The following APOB variants were observed in gnomAD, a reference collection of about 807,000 sequenced individuals.
APOB encodes the protein apolipoprotein B, also known as apolipoprotein B-100.
In APOB, 153 loss-of-function variants were observed where a neutral mutation model predicts 314.1. The observed-to-expected ratio is 0.49, with a 90% CI of 0.43 to 0.56. APOB has a LOEUF of 0.56. Ranked by LOEUF, APOB falls within the 20% of genes least tolerant of loss-of-function variation. APOB has a pLI of 0.00. For missense variants in APOB, 5,430 were observed against 5,350.7 expected (o/e 1.01, Z -0.46); for synonymous variants, 2,087 against 2,036.4 (o/e 1.02, Z -0.67).
Position 21,010,931 on chromosome 2 carries a change from G to A in APOB, c.5937C>T (p.Gly1979=), listed in dbSNP as rs1572783892. 6.2e-7 allele frequency: 1 copy of A among 1,614,138 alleles called. No homozygotes were observed. Among genetic ancestry groups the A allele is most frequent in the African/African-American group, 1.3e-5 (1 of 75,040 alleles). ...TAAATTGGGTCTTGAGTTTCCAGGT[G>A]CCTGTCTGCTCAGCTGGAGTAAGCA... is the stretch of plus-strand genomic sequence containing the variant. ...SALLTPAEQT[G]TWKLKTQFNN... is the part of the protein sequence containing the mutation. Residue 1979 remains glycine, a synonymous_variant, in exon 26 of 29, where the codon GGC becomes GGT. Transcript: ENST00000233242.
intron 15 of APOB, 34 bp downstream of exon 15, chr2:21,026,754 G>A (rs112840115): frequency 3.4e-5 from 53 of 1,569,806 alleles, no homozygotes; most frequent in African/African-American, 3.2e-4. Flanking sequence ...GAGACCCAAA[G>A]CTTTCCTTAA....
intron 5 of APOB, 152 bp downstream of exon 5, chr2:21,037,806 C>G: frequency 1.0e-6 from 1 of 953,906 alleles, no homozygotes; most frequent in Non-Finnish European, 1.7e-6. Context: ...CAGGAGGAAC[C>G]TCGGGCACCA....
At position 21,041,003 on chromosome 2, in the gene APOB, G is replaced by C. The variant is rs371662800; in HGVS notation, c.318C>G (p.Asn106Lys). 17 of 1,613,732 alleles carry C rather than the reference G, an allele frequency of 1.1e-5. No homozygotes were observed. The African/African-American group carries it at 2.1e-4, about 20-fold the overall frequency. The change falls in exon 4 of 29, where the codon AAC (asparagine) becomes AAG (lysine). Residue 106 changes from asparagine to lysine, a missense_variant. This residue lies in a region of APOB where 2,085 missense variants were observed against 2,079.7 expected (regional missense o/e 1.00). Transcript: ENST00000233242. Reference sequence around the variant, plus strand: ...TCTTCAGCAAGGCTTTGCCCTCAGGGTTGAAGCCATACACCTCTTTCAGGG... The same window carrying C: ...TCTTCAGCAAGGCTTTGCCCTCAGGCTTGAAGCCATACACCTCTTTCAGGG... Reference protein sequence around the residue: ...QCTLKEVYGFNPEGKALLKKT... With the variant: ...QCTLKEVYGFKPEGKALLKKT...
At position 21,010,223 on chromosome 2, in the gene APOB, G is replaced by A. The variant is rs751879183; in HGVS notation, c.6645C>T (p.His2215=). 1.8e-4 allele frequency: 279 copies of A among 1,575,216 alleles called. No homozygotes were observed. Among genetic ancestry groups the A allele is most frequent in the Non-Finnish European group, 2.4e-4 (273 of 1,160,086 alleles). Residue 2215 remains histidine (H), a synonymous_variant, in exon 26 of 29, where the codon CAC becomes CAT. Transcript: ENST00000233242. ...TTACTAAATTTACACGGATATGATAGTGCTCATCAAGACTTTTTAATTTTT... is the reference window on the plus strand; with the variant it reads ...TTACTAAATTTACACGGATATGATAATGCTCATCAAGACTTTTTAATTTTT... ...IIEKLKSLDE[H]YHIRVNLVKT...
At chr2:21,041,295 C>T (rs1019088923) in intron 3 of APOB, among the ~76,000 whole-genome samples, 3 of 152,340 alleles carry the variant, frequency 2.0e-5, no homozygotes, top group East Asian at 1.9e-4. Context: ...CGTTTTCCCC[C>T]TCCCGGGTAA....
At chr2:21,014,679 C>A in intron 23 of APOB, 86 bp from the exon 24 acceptor site, 1 of 1,392,392 alleles carries the variant, frequency 7.2e-7, no homozygotes, top group Non-Finnish European at 1.0e-6. Flanking sequence ...ACCGATTTGA[C>A]AAGTTAATTA....
chr2:21,004,809 A>G (rs986781536), intron 26 of APOB, 134 bp from the exon 27 acceptor site: 8 of 755,912 alleles, frequency 1.1e-5, no homozygotes, highest in Admixed American at 7.9e-5. Flanking sequence ...TACAGCTCAC[A>G]CTTATTTTAA....
chr2:21,018,410 C>A (rs917487210), intron 20 of APOB, among the ~76,000 whole-genome samples: 3 of 152,164 alleles, frequency 2.0e-5, no homozygotes, highest in African/African-American at 7.2e-5. Context: ...CTCTCCATAT[C>A]TCTCTGTCCT....
In APOB at chr2:21,025,349, T is replaced by C. The variant is rs924498640; in HGVS notation, c.2245-225A>G. 2.0e-5 allele frequency among the ~76,000 whole-genome samples: 3 copies of C among 152,108 alleles called. No individual in the cohort carries two copies. The South Asian group carries it at 6.2e-4, about 32-fold the overall frequency. On this transcript the variant is annotated intron_variant, in intron 15 of 28. Coordinates refer to ENST00000233242, the MANE Select transcript of APOB (RefSeq NM_000384.3). ...CCTAAAGCTATTCTTAATTAAAAAA[T>C]CTGTAGACATAGTAAGATGTGGTGG...
At position 21,032,572 on chromosome 2, in the gene APOB, A is replaced by G. The variant is rs2103379652; in HGVS notation, c.1134T>C (p.Thr378=). 2 of 1,613,942 alleles carry G rather than the reference A, an allele frequency of 1.2e-6. No individual in the cohort carries two copies. The highest frequency in any genetic ancestry group is 1.1e-5 in the South Asian group (1 of 91,068). ...GTCCACACTGAACCAAGGCTTGTAA[A>G]GTGATGGGGCTGAGAAGAAAGACAT... ...PQLIEVSSPI[T]LQALVQCGQP... Residue 378 remains threonine (T), a synonymous_variant, in exon 10 of 29, where the codon ACT becomes ACC. Transcript: ENST00000233242.
chr2:21,006,455 A>G lies in APOB; in HGVS notation c.10413T>C (p.Ser3471=). 6.2e-7 allele frequency: 1 copy of G among 1,614,136 alleles called. No individual in the cohort carries two copies. The highest frequency in any genetic ancestry group is 8.5e-7 in the Non-Finnish European group (1 of 1,179,976). Residue 3471 remains serine (S), a synonymous_variant, in exon 26 of 29, where the codon TCT becomes TCC. Coordinates refer to ENST00000233242, the MANE Select transcript of APOB (RefSeq NM_000384.3). The part of the protein sequence containing the change: ...KYDFNSSMLY[S]TAKGAVDHKL... ...TGTGGTCAACTGCTCCTTTAGCGGTAGAGTACAGCATTGAAGAATTGAAAT... is the reference window on the plus strand; with the variant it reads ...TGTGGTCAACTGCTCCTTTAGCGGTGGAGTACAGCATTGAAGAATTGAAAT...
chr2:21,027,917 T>A lies in APOB; in HGVS notation c.1978A>T (p.Ile660Leu). ...GGAAGGTAGTTATTTGGATCAAATA[T>A]AAGATTCCCTTCTATTTTGGCTGAG... ...PASAKIEGNL[I>L]FDPNNYLPKE... The change falls in exon 14 of 29, where the codon ATA becomes TTA. Residue 660 changes from isoleucine (I) to leucine (L), a missense_variant. Around this residue, in one of 3 missense-constraint regions of APOB, gnomAD observed 2,085 missense variants for 2,079.7 expected, o/e 1.00. Coordinates refer to ENST00000233242, the MANE Select transcript of APOB (RefSeq NM_000384.3). 2 of 1,614,040 alleles carry A rather than the reference T, an allele frequency of 1.2e-6. No homozygotes were observed. The highest frequency in any genetic ancestry group is 1.7e-6 in the Non-Finnish European group (2 of 1,179,856).
Position 21,010,815 on chromosome 2 carries a change from G to A in APOB, c.6053C>T (p.Thr2018Ile), listed in dbSNP as rs142626489. The change falls in exon 26 of 29, where the codon ACT becomes ATT. Residue 2018 changes from threonine (T) to isoleucine (I), a missense_variant. Around this residue, in one of 3 missense-constraint regions of APOB, gnomAD observed 3,281 missense variants for 3,171.0 expected, o/e 1.03. Transcript: ENST00000233242. ...CACTTTAATTGGGGAGTCTAGTAGAGTTAGGTCAGCCAGAGTTCGTCCAGT... is the reference window on the plus strand; with the variant it reads ...CACTTTAATTGGGGAGTCTAGTAGAATTAGGTCAGCCAGAGTTCGTCCAGT... ...ELTGRTLADL[T>I]LLDSPIKVPL... 4.3e-6 allele frequency: 7 copies of A among 1,614,126 alleles called. No individual in the cohort carries two copies. Among genetic ancestry groups the A allele is most frequent in the Non-Finnish European group, 5.9e-6 (7 of 1,179,994 alleles).
intron 4 of APOB, among the ~76,000 whole-genome samples, chr2:21,039,701 T>C (rs1664087229): frequency 6.6e-6 from 1 of 152,212 alleles, no homozygotes; most frequent in South Asian, 2.1e-4. Flanking sequence ...GTTAAAGTCA[T>C]GAAGATGCAA....
chr2:21,043,988 C>G lies in APOB; in HGVS notation c.-43G>C. ...CGGCTCCTGGGCTGCGGCCTGGCCT[C>G]GGCCTCGCGGCCCTGGCTGGCTGGG... On this transcript the variant is annotated 5_prime_UTR_variant, in exon 1 of 29. Coordinates refer to ENST00000233242, the MANE Select transcript of APOB (RefSeq NM_000384.3). 9.4e-7 allele frequency: 1 copy of G among 1,063,098 alleles called. No individual in the cohort carries two copies. 65.9% of individuals were successfully genotyped at this position (1,063,098 alleles called of 1,614,324 possible).
At position 21,003,055 on chromosome 2, in the gene APOB, T is replaced by G. The variant is rs759585999; in HGVS notation, c.12367A>C (p.Ile4123Leu). 4 of 1,570,382 alleles carry G rather than the reference T, an allele frequency of 2.5e-6. No individual in the cohort carries two copies. In the South Asian group the frequency reaches 4.8e-5, roughly 19 times the overall value. The change falls in exon 29 of 29, where the codon ATT becomes CTT. Residue 4123 changes from isoleucine (I) to leucine (L), a missense_variant. Transcript: ENST00000233242. The stretch of plus-strand genomic sequence containing the variant: ...TGGAACCTCACGTCGATATCATCAA[T>G]TTGCCTAATGGCCCCTTGATAAACC... ...EWVYQGAIRQ[I>L]DDIDVRFQKA... is the part of the protein sequence containing the mutation.
At chr2:21,043,716 C>A (rs1472491451) in intron 1 of APOB, 148 bp downstream of exon 1, 14 of 1,502,668 alleles carry the variant, frequency 9.3e-6, no homozygotes, top group Admixed American at 4.0e-5. Flanking sequence ...CCTGAGCCTG[C>A]AGGGGCCGCC....
At position 21,008,784 on chromosome 2, in the gene APOB, T is replaced by A. The variant is rs1274848481; in HGVS notation, c.8084A>T (p.Asp2695Val). Residue 2695 changes from aspartate (D) to valine (V), a missense_variant, in exon 26 of 29, where the codon GAT becomes GTT. By Grantham distance (152) the Asp-to-Val change is radical (BLOSUM62 -3). Coordinates refer to ENST00000233242, the MANE Select transcript of APOB (RefSeq NM_000384.3). ...QWPVPDIYLR[D>V]LKVEDIPLAR... Reference sequence around the variant, plus strand: ...TAGAGGAATGTCCTCCACCTTCAGATCCCTGAGATATATATCTGGAACGGG... The same window carrying A: ...TAGAGGAATGTCCTCCACCTTCAGAACCCTGAGATATATATCTGGAACGGG... The A allele has an allele frequency of 6.2e-7, 1 of 1,614,046 alleles. No homozygotes were observed. Among genetic ancestry groups the A allele is most frequent in the Non-Finnish European group, 8.5e-7 (1 of 1,179,956 alleles).
Position 21,029,899 on chromosome 2 carries a change from C to T in APOB, c.1469G>A (p.Arg490Gln), listed in dbSNP as rs746365267. 15 of 1,612,040 alleles carry T rather than the reference C, an allele frequency of 9.3e-6. No individual in the cohort carries two copies. Among genetic ancestry groups the T allele is most frequent in the Admixed American group, 3.3e-5 (2 of 59,990 alleles). Residue 490 changes from arginine (R) to glutamine (Q), a missense_variant and splice_region_variant, in exon 11 of 29, where the codon CGG becomes CAG. This residue lies in a region of APOB where 2,085 missense variants were observed against 2,079.7 expected (regional missense o/e 1.00). Transcript: ENST00000233242. ...TGTCATATAAAAGACTGAGATTACCCGCAGAATCAAATAGGTGTAATCTTC... is the reference window on the plus strand; with the variant it reads ...TGTCATATAAAAGACTGAGATTACCTGCAGAATCAAATAGGTGTAATCTTC... ...GDEDYTYLILRVIGNMGQTME... is the reference protein window; with the variant it reads ...GDEDYTYLILQVIGNMGQTME...
Sources: allele counts gnomAD v4.1 joint callset (sites outside exome capture counted in the v4.1 genomes callset), GRCh38; gene constraint gnomAD v4.1.1; regional missense constraint gnomAD v4.1.1; transcripts MANE v1.5; gene names NCBI Gene and HGNC (gene_info 2026-07-23, HGNC 2026-07-21).